The following NDUFAF6 variants were observed in gnomAD, a reference collection of about 807,000 sequenced individuals.
The protein encoded by NDUFAF6 is NADH dehydrogenase (ubiquinone) complex I, assembly factor 6.
In NDUFAF6, 45 loss-of-function variants were observed where a neutral mutation model predicts 40.8. The ratio of observed to expected loss-of-function variants is 1.10; its 90% CI spans 0.87 to 1.42. The LOEUF (loss-of-function observed/expected upper bound fraction) is 1.42, where lower values mean the gene tolerates loss of function less well. Among genes scored for constraint, NDUFAF6 ranks in the 40% most tolerant of loss-of-function variants. NDUFAF6 has a pLI of 0.00. For missense variants in NDUFAF6, 435 were observed against 418.5 expected (o/e 1.04, Z -0.34); for synonymous variants, 185 against 155.9 (o/e 1.19, Z -1.39).
chr8:95,082,434 G>A (rs1808900928), intron 2 of NDUFAF6, among the ~76,000 whole-genome samples: 1 of 152,188 alleles, frequency 6.6e-6, no homozygotes, highest in African/African-American at 2.4e-5. Context: ...GTGCCCAGCT[G>A]TATTCTCATA....
At chr8:95,032,595 T>A (rs959840604) in intron 2 of NDUFAF6, among the ~76,000 whole-genome samples, 2 of 152,226 alleles carry the variant, frequency 1.3e-5, no homozygotes, top group African/African-American at 4.8e-5. Flanking sequence ...TTTTCTTCTT[T>A]AGAATGGAAA....
chr8:94,999,827 G>A (rs1352313850), intron 2 of NDUFAF6, among the ~76,000 whole-genome samples: 1 of 152,194 alleles, frequency 6.6e-6, no homozygotes, highest in Non-Finnish European at 1.5e-5. Flanking sequence ...TGTGTCTACA[G>A]ACACTAATAT....
downstream of NDUFAF6, among the ~76,000 whole-genome samples, chr8:95,059,676 C>G (rs1832518683): frequency 6.6e-6 from 1 of 152,064 alleles, no homozygotes; most frequent in Admixed American, 6.6e-5. Flanking sequence ...TGGTGAAACC[C>G]CATCTCTACT....
Position 95,058,062 on chromosome 8 carries a change from A to G in NDUFAF6, c.*125A>G, listed in dbSNP as rs1436108433. On this transcript the variant is annotated 3_prime_UTR_variant, in exon 9 of 9. Coordinates refer to ENST00000396124, the MANE Select transcript of NDUFAF6 (RefSeq NM_152416.4). ...GAATTTATTGAATGGGATGTCAAGT[A>G]GCTCACAAAATTGAGAAGTTGCCGT... 20 of 1,473,952 alleles carry G rather than the reference A, an allele frequency of 1.4e-5. No individual in the cohort carries two copies. The highest frequency in any genetic ancestry group is 1.6e-5 in the Non-Finnish European group (18 of 1,121,062). 91.3% of individuals were successfully genotyped at this position (1,473,952 alleles called of 1,614,324 possible). A position where few individuals can be genotyped will look rare whatever the true frequency, so the allele number is the denominator to read the frequency against.
rs747954437 is a variant in NDUFAF6, at chr8:95,048,550, C to G, written c.808C>G (p.Leu270Val). ...YDIASQAHLH[L>V]KHARSFHKTV... ...CATTGCCAGTCAAGCACACTTGCACCTAAAGCATGTAAGTCGGCTTTTTTT... is the reference window on the plus strand; with the variant it reads ...CATTGCCAGTCAAGCACACTTGCACGTAAAGCATGTAAGTCGGCTTTTTTT... Residue 270 changes from leucine (L) to valine (V), a missense_variant, in exon 7 of 9, where the codon CTA (leucine) becomes GTA (valine). Transcript: ENST00000396124. 42 of 1,613,478 alleles carry G rather than the reference C, an allele frequency of 2.6e-5. 2 individuals carry two copies. The Middle Eastern group carries it at 2.1e-3, about 82-fold the overall frequency.
intron 2 of NDUFAF6, among the ~76,000 whole-genome samples, chr8:94,996,275 C>T (rs1826427798): frequency 6.6e-6 from 1 of 152,188 alleles, no homozygotes; most frequent in Non-Finnish European, 1.5e-5. Context: ...AATGCCCTCT[C>T]TTCTCTCATC....
chr8:94,945,819 T>C (rs1397041778), intron 2 of NDUFAF6, among the ~76,000 whole-genome samples: 4 of 152,222 alleles, frequency 2.6e-5, no homozygotes, highest in African/African-American at 7.2e-5. Context: ...TGTTGTTCTT[T>C]GAACAGCTTT....
chr8:95,024,417 C>A (rs1827841962), upstream of NDUFAF6, among the ~76,000 whole-genome samples: 2 of 152,232 alleles, frequency 1.3e-5, no homozygotes, highest in Non-Finnish European at 1.5e-5. Context: ...TAATGGCCTA[C>A]TGTGTGGCTT....
chr8:95,015,050 A>C (rs190933067), intron 2 of NDUFAF6, among the ~76,000 whole-genome samples: 5 of 152,300 alleles, frequency 3.3e-5, no homozygotes, highest in African/African-American at 1.2e-4. Flanking sequence ...GCTGGCCTGG[A>C]TCATGTCTAC....
At chr8:95,082,815 A>ACG (rs1314446754) in intron 2 of NDUFAF6, among the ~76,000 whole-genome samples, 1 of 151,914 alleles carries the variant, frequency 6.6e-6, no homozygotes, top group East Asian at 1.9e-4. Context: ...GCCCGCCACT[A>ACG]CGCCCGGCTA....
At position 94,958,613 on chromosome 8, in the gene NDUFAF6, C is replaced by T. The variant is rs1011423982; in HGVS notation, c.-199+434C>T. ...GCAGTGGCATGATCTCAGCTCACTGCAGCCTCCGCCTTCTGGGTTCAAGCA... is the reference window on the plus strand; with the variant it reads ...GCAGTGGCATGATCTCAGCTCACTGTAGCCTCCGCCTTCTGGGTTCAAGCA... On this transcript the variant is annotated intron_variant, in intron 1 of 9. Coordinates refer to the NDUFAF6 transcript ENST00000396111. Among the ~76,000 whole-genome samples, 6 of 141,766 alleles carry T rather than the reference C, an allele frequency of 4.2e-5. No homozygotes were observed. In the Admixed American group the frequency reaches 4.5e-4, roughly 11 times the overall value. The allele number at this position is 141,766 out of a possible 152,430, so 93.0% of individuals were successfully genotyped here.
chr8:95,047,283 T>C (rs1226903912), intron 6 of NDUFAF6, among the ~76,000 whole-genome samples, 156 bp downstream of exon 6: 2 of 152,160 alleles, frequency 1.3e-5, no homozygotes, highest in South Asian at 2.1e-4. Context: ...CCCAGAGTTA[T>C]CAAGTCAGAA....
At chr8:94,972,759 G>A (rs1252044126) in intron 1 of NDUFAF6, among the ~76,000 whole-genome samples, 1 of 110,226 alleles carries the variant, frequency 9.1e-6, no homozygotes, top group Non-Finnish European at 1.9e-5. Flanking sequence ...GATCATCCAG[G>A]CATGGTGGTG....
At position 94,935,508 on chromosome 8, in the gene NDUFAF6, G is replaced by A. The variant is rs987681210; in HGVS notation, c.-935-9975G>A. On this transcript the variant is annotated intron_variant, in intron 1 of 14. Coordinates refer to the NDUFAF6 transcript ENST00000396113. The stretch of plus-strand genomic sequence containing the variant: ...AGAAGGCAGAGATTACAAGAAAAGT[G>A]ACCAACAATTGCTTGGGGCAATAGA... Among the ~76,000 whole-genome samples the A allele has an allele frequency of 1.2e-4, 18 of 152,194 alleles. 1 individual carries two copies. Among genetic ancestry groups the A allele is most frequent in the African/African-American group, 2.4e-5 (1 of 41,442 alleles).
intron 1 of NDUFAF6, chr8:94,940,986 G>T: frequency 6.8e-7 from 1 of 1,478,922 alleles, no homozygotes; most frequent in South Asian, 1.2e-5. Context: ...TTTTATAGCT[G>T]AGATTTCAAA....
intron 2 of NDUFAF6, among the ~76,000 whole-genome samples, chr8:94,996,738 T>C (rs745653297): frequency 6.6e-6 from 1 of 152,146 alleles, no homozygotes. Flanking sequence ...AGGGTCTTCA[T>C]AGAGGTAAGT....
At chr8:94,989,147 A>G (rs749368553) in intron 2 of NDUFAF6, 1 of 152,198 alleles carries the variant, frequency 6.6e-6, no homozygotes, top group Non-Finnish European at 1.5e-5. Context: ...TATGTGAATT[A>G]TATCTCAATA....
At chr8:94,951,328 A>T (rs1822597073) in intron 2 of NDUFAF6, 1 of 152,276 alleles carries the variant, frequency 6.6e-6, no homozygotes, top group Admixed American at 6.5e-5. Context: ...AGGAGAGATA[A>T]GCCATCCCCA....
intron 1 of NDUFAF6, among the ~76,000 whole-genome samples, chr8:94,959,663 T>A (rs1024106167): frequency 2.0e-5 from 3 of 152,166 alleles, no homozygotes; most frequent in African/African-American, 7.2e-5. Flanking sequence ...CCTGAGTAGT[T>A]GGGACTACAG....
Sources: allele counts gnomAD v4.1 joint callset (sites outside exome capture counted in the v4.1 genomes callset), GRCh38; gene constraint gnomAD v4.1.1; transcripts MANE v1.5; gene names NCBI Gene and HGNC (gene_info 2026-07-23, HGNC 2026-07-21).